FRMPD4: variants seen among roughly 807,000 people sequenced by gnomAD.
The protein encoded by FRMPD4 is FERM and PDZ domain containing 4.
FRMPD4 carries 22 observed loss-of-function variants against 94.1 expected under a neutral mutation model. That is an observed-to-expected ratio of 0.23 (90% CI 0.17 to 0.33). The LOEUF is 0.33. Among genes scored for constraint, FRMPD4 ranks in the 10% least tolerant of loss-of-function variants. FRMPD4 has a pLI of 1.00. For missense variants in FRMPD4, 1,111 were observed against 1,339.9 expected (o/e 0.83, Z 2.67); for synonymous variants, 631 against 548.6 (o/e 1.15, Z -2.10).
At chrX:12,085,273 C>A (rs1360094612) in intron 3 of FRMPD4, among the ~76,000 whole-genome samples, 1 of 112,156 alleles carries the variant, frequency 8.9e-6, no homozygotes, top group African/African-American at 3.2e-5. Flanking sequence ...ATTTAAATGT[C>A]TGAGAGGGCT....
At chrX:12,474,947 C>T (rs1301135273) in intron 1 of FRMPD4, among the ~76,000 whole-genome samples, 2 of 111,846 alleles carry the variant, frequency 1.8e-5, no homozygotes, top group Non-Finnish European at 3.8e-5. Flanking sequence ...AGGGAATCCT[C>T]CCTAACTCAT....
intron 1 of FRMPD4, among the ~76,000 whole-genome samples, chrX:12,421,513 T>C (rs2056882871): frequency 9.0e-6 from 1 of 111,077 alleles, no homozygotes; most frequent in South Asian, 3.8e-4. Flanking sequence ...ATCCCAGCAC[T>C]TTGGGAGGTC....
At chrX:12,707,335 G>A (rs2041896289) in intron 12 of FRMPD4, 134 bp from the exon 13 acceptor site, 1 of 467,157 alleles carries the variant, frequency 2.1e-6, no homozygotes. Context: ...CTTCTAATTG[G>A]ATGATTTAGT....
intron 7 of FRMPD4, among the ~76,000 whole-genome samples, chrX:12,689,608 G>A (rs1224972955): frequency 8.9e-6 from 1 of 112,388 alleles, no homozygotes; most frequent in Non-Finnish European, 1.9e-5. Flanking sequence ...TTTCAGAAGG[G>A]GAAGCCAGGG....
chrX:11,952,123 G>A (rs994144272), intron 3 of FRMPD4, among the ~76,000 whole-genome samples: 1 of 112,559 alleles, frequency 8.9e-6, no homozygotes, highest in African/African-American at 3.2e-5. Flanking sequence ...GGTGTTTAGT[G>A]TGTTCACAAG....
intron 1 of FRMPD4, among the ~76,000 whole-genome samples, chrX:11,858,631 T>C (rs1002522039): frequency 2.7e-5 from 3 of 111,135 alleles, no homozygotes; most frequent in Non-Finnish European, 5.7e-5. Flanking sequence ...GATGAAATAA[T>C]CTGTACAACA....
At chrX:12,491,995 T>C (rs376429780) in intron 1 of FRMPD4, among the ~76,000 whole-genome samples, 2 of 112,459 alleles carry the variant, frequency 1.8e-5, no homozygotes, top group East Asian at 5.6e-4. Flanking sequence ...CATTCTACTA[T>C]GCTATCTCCT....
At chrX:11,991,391 A>G (rs1162336300) in intron 3 of FRMPD4, among the ~76,000 whole-genome samples, 1 of 111,949 alleles carries the variant, frequency 8.9e-6, no homozygotes, top group Admixed American at 9.5e-5. Context: ...CTATCATGTA[A>G]AACAAGGAGT....
At chrX:12,146,513 T>C (rs2055772127) in intron 1 of FRMPD4, among the ~76,000 whole-genome samples, 2 of 111,706 alleles carry the variant, frequency 1.8e-5, no homozygotes, top group Admixed American at 1.9e-4. Context: ...CCCCTAACCA[T>C]GTTGAATTTT....
At chrX:12,607,736 C>T (rs1276510349) in intron 2 of FRMPD4, among the ~76,000 whole-genome samples, 3 of 112,217 alleles carry the variant, frequency 2.7e-5, no homozygotes, top group African/African-American at 9.7e-5. Flanking sequence ...TGAGTGTTAG[C>T]ACATGGTGCA....
chrX:12,625,601 T>C (rs745306415), intron 4 of FRMPD4, among the ~76,000 whole-genome samples: 4 of 111,664 alleles, frequency 3.6e-5, no homozygotes, highest in Non-Finnish European at 7.5e-5. Flanking sequence ...ATCAGGAAGA[T>C]GGAGAGTACA....
At chrX:12,026,155 C>T (rs1355869810) in intron 3 of FRMPD4, among the ~76,000 whole-genome samples, 5 of 111,252 alleles carry the variant, frequency 4.5e-5, no homozygotes, top group South Asian at 3.9e-4. Context: ...CTTCTATCTC[C>T]GTTGGCATAC....
chrX:12,692,840 G>A (rs2060091501), intron 8 of FRMPD4, among the ~76,000 whole-genome samples: 1 of 112,408 alleles, frequency 8.9e-6, no homozygotes, highest in Non-Finnish European at 1.9e-5. Context: ...TGGCAAAATA[G>A]CTCATGAAGT....
At chrX:11,976,120 C>G (rs1363843178) in intron 3 of FRMPD4, among the ~76,000 whole-genome samples, 2 of 111,718 alleles carry the variant, frequency 1.8e-5, no homozygotes, top group Non-Finnish European at 3.8e-5. Flanking sequence ...CTTGAACACT[C>G]TGTCTCTGAC....
At chrX:12,498,603 T>G in intron 1 of FRMPD4, 77 bp from the exon 2 acceptor site, 1 of 610,104 alleles carries the variant, frequency 1.6e-6, no homozygotes. Flanking sequence ...GCAAGTCACA[T>G]TCTCCTTCCA....
chrX:12,448,050 G>A (rs762747743), intron 1 of FRMPD4, among the ~76,000 whole-genome samples: 10 of 111,899 alleles, frequency 8.9e-5, no homozygotes, highest in Non-Finnish European at 1.7e-4. Context: ...TTTGTAGAAT[G>A]GTAATTAATC....
At chrX:11,956,084 A>C (rs2054255767) in intron 3 of FRMPD4, among the ~76,000 whole-genome samples, 1 of 112,079 alleles carries the variant, frequency 8.9e-6, no homozygotes, top group Non-Finnish European at 1.9e-5. Context: ...TTTTAGGCTC[A>C]TCTTTGCCAA....
At chrX:12,030,422 G>A (rs1367894147) in intron 3 of FRMPD4, among the ~76,000 whole-genome samples, 1 of 111,602 alleles carries the variant, frequency 9.0e-6, no homozygotes, top group Non-Finnish European at 1.9e-5. Context: ...TTTTTGTGGG[G>A]GGGAGGTCCC....
intron 2 of FRMPD4, among the ~76,000 whole-genome samples, chrX:12,523,135 A>G (rs2058183129): frequency 2.7e-5 from 3 of 112,382 alleles, no homozygotes; most frequent in Admixed American, 9.4e-5. Flanking sequence ...TCCCCCTGAC[A>G]TAGCTTTTAG....
Sources: allele counts gnomAD v4.1 joint callset (sites outside exome capture counted in the v4.1 genomes callset), GRCh38; gene constraint gnomAD v4.1.1; transcripts MANE v1.5; gene names NCBI Gene and HGNC (gene_info 2026-07-23, HGNC 2026-07-21).